Variants in MMRN1 observed in about 807,000 individuals in gnomAD.
The protein encoded by MMRN1 is multimerin-1.
In MMRN1, 94 loss-of-function variants were observed where a neutral mutation model predicts 100.7. The observed-to-expected ratio is 0.93, with a 90% CI of 0.79 to 1.11. The LOEUF (loss-of-function observed/expected upper bound fraction) is 1.11, where lower values mean the gene tolerates loss of function less well. Ranked by LOEUF, MMRN1 falls within the 50% of genes least tolerant of loss-of-function variation. MMRN1 has a pLI of 0.00. For missense variants in MMRN1, 1,606 were observed against 1,439.1 expected (o/e 1.12, Z -1.88); for synonymous variants, 575 against 505.0 (o/e 1.14, Z -1.86).
In MMRN1 at chr4:89,924,167, A is replaced by C. The variant is rs113637733; in HGVS notation, c.955+895A>C. 5.3e-3 allele frequency among the ~76,000 whole-genome samples: 800 copies of C among 152,310 alleles called. 5 individuals carry two copies. The highest frequency in any genetic ancestry group is 0.018 in the African/African-American group (766 of 41,578). ...AACATAGCTACAACTACATACATAT[A>C]TCTAGCTGCATATTTTAAATGCTGA... On this transcript the variant is annotated intron_variant, in intron 4 of 7. Transcript: ENST00000264790.
At chr4:89,883,524 T>C (rs1720867472) in intron 1 of MMRN1, among the ~76,000 whole-genome samples, 1 of 152,152 alleles carries the variant, frequency 6.6e-6, no homozygotes, top group South Asian at 2.1e-4. Context: ...ACATGTCTGT[T>C]AGCCAGTTGT....
At chr4:89,894,769 A>C, upstream of MMRN1, 1 of 804,266 alleles carries the variant, frequency 1.2e-6, no homozygotes, top group Non-Finnish European at 1.8e-6. Context: ...ATCCCACTAG[A>C]GGTCACAGAT....
Position 89,923,239 on chromosome 4 carries a change from GAGCAGCAGC to G in MMRN1, c.930_938del (p.Gln311_Gln313del). On this transcript the variant is annotated inframe_deletion, in exon 4 of 8. Transcript: ENST00000264790. The stretch of plus-strand genomic sequence containing the variant: ...TACAGCTGTTGGCAGAGGAGTAGCT[GAGCAGCAGC>G]AGCAGCAAGGCTGTGGTGACCCAGG... 6.2e-7 allele frequency: 1 copy of G among 1,613,924 alleles called. No individual in the cohort carries two copies.
At chr4:89,944,436 C>T (rs1014472985) in intron 6 of MMRN1, among the ~76,000 whole-genome samples, 7 of 152,202 alleles carry the variant, frequency 4.6e-5, no homozygotes, top group African/African-American at 1.7e-4. Flanking sequence ...GGCACGTTAA[C>T]TTTGCCCAAA....
At chr4:89,883,211 A>G (rs1720859879) in intron 1 of MMRN1, among the ~76,000 whole-genome samples, 1 of 152,096 alleles carries the variant, frequency 6.6e-6, no homozygotes, top group South Asian at 2.1e-4. Context: ...ATATTCTTGA[A>G]CAAGTCTTTT....
chr4:89,882,438 G>A (rs184729212), intron 1 of MMRN1, among the ~76,000 whole-genome samples: 233 of 151,770 alleles, frequency 1.5e-3, no homozygotes, highest in African/African-American at 5.3e-3. Context: ...ACAGAGTAAG[G>A]TATAGAAAGA....
rs537246177 is a variant in MMRN1 at position 89,927,931 on chromosome 4, C to A, written c.1092C>A (p.Ser364Arg). ...ACTCCTCCCTAGAAGGAAAAGTCAG[C>A]GAAGATAAAAGCAGAGAATTTCAAT... ...NTYSSLEGKV[S>R]EDKSREFQSL... The change falls in exon 5 of 8, where the codon AGC becomes AGA. Residue 364 changes from serine to arginine, a missense_variant. Coordinates refer to ENST00000264790, the MANE Select transcript of MMRN1 (RefSeq NM_007351.3). The A allele has an allele frequency of 6.2e-6, 10 of 1,600,022 alleles. No individual in the cohort carries two copies. Among genetic ancestry groups the A allele is most frequent in the Admixed American group, 1.7e-5 (1 of 57,590 alleles).
chr4:89,953,980 A>G lies in MMRN1; in HGVS notation c.*562A>G, dbSNP rs1723266020. 1.3e-5 allele frequency: 2 copies of G among 152,418 alleles called. No individual in the cohort carries two copies. 9.4% of individuals were successfully genotyped at this position (152,418 alleles called of 1,614,324 possible). On this transcript the variant is annotated 3_prime_UTR_variant, in exon 8 of 8. Coordinates refer to ENST00000264790, the MANE Select transcript of MMRN1 (RefSeq NM_007351.3). ...GGACTGAAAATATGAAAAATGCTTA[A>G]CTATTGTTCTCTTCCTATAATTCTC...
intron 5 of MMRN1, among the ~76,000 whole-genome samples, chr4:89,932,165 A>G (rs78801565): frequency 4.6e-5 from 7 of 152,310 alleles, no homozygotes; most frequent in Admixed American, 3.9e-4. Flanking sequence ...GGCCTCACGC[A>G]AGTCCGAAAT....
chr4:89,945,619 C>A (rs1019858419), intron 6 of MMRN1, among the ~76,000 whole-genome samples: 2 of 152,034 alleles, frequency 1.3e-5, no homozygotes, highest in Non-Finnish European at 2.9e-5. Flanking sequence ...GTTTTTAATT[C>A]TTCTCTTGAT....
At chr4:89,951,866 T>G in intron 7 of MMRN1, 115 bp downstream of exon 7, 4 of 1,212,496 alleles carry the variant, frequency 3.3e-6, no homozygotes, top group Non-Finnish European at 4.5e-6. Context: ...CACTTGACAA[T>G]TCCTTTTACT....
At chr4:89,946,594 A>G (rs1722992274) in intron 6 of MMRN1, among the ~76,000 whole-genome samples, 1 of 152,166 alleles carries the variant, frequency 6.6e-6, no homozygotes, top group South Asian at 2.1e-4. Context: ...AGTTGAGTGA[A>G]TAGAGCGGTA....
Position 89,912,053 on chromosome 4 carries a change from A to T in MMRN1, c.850+3A>T, listed in dbSNP as rs1469287958. The T allele has an allele frequency of 6.5e-7, 1 of 1,547,794 alleles. No individual in the cohort carries two copies. The highest frequency in any genetic ancestry group is 1.2e-5 in the South Asian group (1 of 86,674). On this transcript the variant is annotated splice_donor_region_variant and intron_variant, in intron 3 of 7. Transcript: ENST00000264790. ...TGGGCCGAAATGTCAACTAAGAGGT[A>T]CACTCTAATATTAATAATCACAATT...
intron 1 of MMRN1, among the ~76,000 whole-genome samples, chr4:89,901,763 G>A (rs1721395306): frequency 6.6e-6 from 1 of 151,612 alleles, no homozygotes; most frequent in Non-Finnish European, 1.5e-5. Flanking sequence ...TCATTACTTT[G>A]CTGTTTCTAC....
intron 5 of MMRN1, among the ~76,000 whole-genome samples, chr4:89,929,209 T>A (rs1220697011): frequency 6.6e-6 from 1 of 152,162 alleles, no homozygotes; most frequent in Non-Finnish European, 1.5e-5. Context: ...TTTTTTTTCC[T>A]TTTGCTTTAT....
At chr4:89,885,576 T>G (rs991550433) in intron 1 of MMRN1, among the ~76,000 whole-genome samples, 3 of 152,104 alleles carry the variant, frequency 2.0e-5, no homozygotes, top group Admixed American at 1.3e-4. Flanking sequence ...TGAAAGTTTT[T>G]ATTATGAATG....
At chr4:89,927,393 A>G (rs1722295748) in intron 4 of MMRN1, among the ~76,000 whole-genome samples, 1 of 152,056 alleles carries the variant, frequency 6.6e-6, no homozygotes. Flanking sequence ...AAATGAGATT[A>G]CTTTTTTTTC....
At chr4:89,932,193 T>C (rs1722461221) in intron 5 of MMRN1, among the ~76,000 whole-genome samples, 2 of 152,124 alleles carry the variant, frequency 1.3e-5, no homozygotes, top group South Asian at 2.1e-4. Context: ...AGCAGTCAAA[T>C]ATTAAAGCTC....
chr4:89,888,150 C>G (rs1720978052), intron 1 of MMRN1, among the ~76,000 whole-genome samples: 1 of 151,904 alleles, frequency 6.6e-6, no homozygotes, highest in African/African-American at 2.4e-5. Context: ...TCCATTCATT[C>G]TTGTCAATCT....
Sources: gnomAD v4.1 joint callset for allele counts (sites outside exome capture counted in the v4.1 genomes callset) on GRCh38, gnomAD v4.1.1 for gene constraint, MANE v1.5 for transcripts, NCBI Gene and HGNC (gene_info 2026-07-23, HGNC 2026-07-21) for gene names.